The following FRYL variants were observed in gnomAD, a reference collection of about 807,000 sequenced individuals.
FRYL encodes the protein protein furry homolog-like.
FRYL carries 150 observed loss-of-function variants against 351.2 expected under a neutral mutation model. The ratio of observed to expected loss-of-function variants is 0.43; its 90% confidence interval spans 0.37 to 0.49. The LOEUF is 0.49. Ranked by LOEUF, FRYL falls within the 20% of genes least tolerant of loss-of-function variation. The pLI, the probability that FRYL is intolerant of heterozygous loss-of-function variation, is 0.00. For synonymous variants in FRYL, 1,153 were observed against 1,257.1 expected (o/e 0.92, Z 1.75); for missense variants, 3,036 against 3,619.3 (o/e 0.84, Z 4.13).
intron 18 of FRYL, among the ~76,000 whole-genome samples, chr4:48,587,009 T>G (rs1742235544): frequency 6.6e-6 from 1 of 151,792 alleles, no homozygotes; most frequent in Non-Finnish European, 1.5e-5. Flanking sequence ...AACAGATTAT[T>G]TATAATTAAT....
Position 48,609,724 on chromosome 4 carries a change from C to T in FRYL, c.491+20G>A. 1 of 1,293,310 alleles carries T rather than the reference C, an allele frequency of 7.7e-7. No homozygotes were observed. The highest frequency in any genetic ancestry group is 1.1e-6 in the Non-Finnish European group (1 of 917,524). 80.1% of individuals were successfully genotyped at this position (1,293,310 alleles called of 1,614,324 possible). ...GGATTGCAAAAAAAGGCAACAATCC[C>T]AAGTTAGTATTTTACTTACCCTTCC... On this transcript the variant is annotated intron_variant, in intron 8 of 63. Transcript: ENST00000358350.
intron 1 of FRYL, among the ~76,000 whole-genome samples, chr4:48,753,036 T>C (rs916746635): frequency 6.6e-6 from 1 of 152,002 alleles, no homozygotes; most frequent in Non-Finnish European, 1.5e-5. Context: ...GGAGGAGGAA[T>C]TATTCAAGAA....
At chr4:48,650,952 A>G (rs1464144198) in intron 3 of FRYL, among the ~76,000 whole-genome samples, 4 of 152,078 alleles carry the variant, frequency 2.6e-5, no homozygotes, top group African/African-American at 9.7e-5. Flanking sequence ...GTGGTAACCA[A>G]CCTCTGGTTT....
At chr4:48,671,889 A>G (rs1762814932) in intron 3 of FRYL, among the ~76,000 whole-genome samples, 5 of 148,514 alleles carry the variant, frequency 3.4e-5, no homozygotes, top group Non-Finnish European at 7.5e-5. Flanking sequence ...AAAAAAAAAA[A>G]AAGAAGGAAA....
intron 3 of FRYL, among the ~76,000 whole-genome samples, chr4:48,636,522 GA>G (rs1256474221): frequency 5.3e-5 from 8 of 151,584 alleles, no homozygotes; most frequent in South Asian, 4.2e-4. Context: ...TTTCTACAAA[GA>G]AAAAAACTTT....
At chr4:48,629,875 C>T (rs1422411221) in intron 4 of FRYL, among the ~76,000 whole-genome samples, 1 of 152,092 alleles carries the variant, frequency 6.6e-6, no homozygotes, top group Non-Finnish European at 1.5e-5. Flanking sequence ...TTTTAAAAAG[C>T]TTGTTTAAGA....
intron 3 of FRYL, among the ~76,000 whole-genome samples, chr4:48,678,823 A>T (rs1218206596): frequency 4.6e-5 from 7 of 152,134 alleles, no homozygotes; most frequent in Non-Finnish European, 1.0e-4. Context: ...TAGTAAAAAC[A>T]TATATACCAT....
At chr4:48,608,942 T>C (rs1340736803) in intron 9 of FRYL, 45 bp downstream of exon 9, 1 of 1,203,242 alleles carries the variant, frequency 8.3e-7, no homozygotes, top group Non-Finnish European at 1.2e-6. Context: ...AATGAAGCAT[T>C]CTAAAATGCA....
Position 48,609,741 on chromosome 4 carries a change from TA to T in FRYL, c.491+2del. 6.8e-7 allele frequency: 1 copy of T among 1,480,862 alleles called. No homozygotes were observed. Among genetic ancestry groups the T allele is most frequent in the Non-Finnish European group, 9.3e-7 (1 of 1,074,820 alleles). The allele number at this position is 1,480,862 out of a possible 1,614,324, so 91.7% of individuals were successfully genotyped here. On this transcript the variant is annotated splice_donor_variant, in intron 8 of 63. Transcript: ENST00000358350. LOFTEE classifies it high-confidence loss of function. ...AACAATCCCAAGTTAGTATTTTACT[TA>T]CCCTTCCTTATGTTTAAAGTGCTTA...
chr4:48,760,298 T>C (rs1395106574), intron 1 of FRYL, among the ~76,000 whole-genome samples: 1 of 152,050 alleles, frequency 6.6e-6, no homozygotes, highest in Non-Finnish European at 1.5e-5. Context: ...AATTATGGCA[T>C]GTATATTAAT....
chr4:48,720,362 T>C (rs1371059200), intron 1 of FRYL, among the ~76,000 whole-genome samples: 1 of 151,708 alleles, frequency 6.6e-6, no homozygotes, highest in Non-Finnish European at 1.5e-5. Context: ...TCAGGCATGG[T>C]GGCATGCACC....
At chr4:48,588,074 T>C (rs1368901241) in intron 18 of FRYL, among the ~76,000 whole-genome samples, 1 of 152,252 alleles carries the variant, frequency 6.6e-6, no homozygotes, top group Non-Finnish European at 1.5e-5. Context: ...TCATAATCAC[T>C]GTCATTTTCC....
chr4:48,612,877 C>A (rs1401588929), intron 7 of FRYL, among the ~76,000 whole-genome samples: 2 of 152,096 alleles, frequency 1.3e-5, no homozygotes, highest in African/African-American at 4.8e-5. Context: ...GCGTGAGCCA[C>A]CGCACCCGGC....
chr4:48,660,629 A>G (rs1760505068), intron 3 of FRYL, among the ~76,000 whole-genome samples: 1 of 152,224 alleles, frequency 6.6e-6, no homozygotes. Flanking sequence ...AGGGAAATAA[A>G]AACAGGAAGA....
intron 15 of FRYL, among the ~76,000 whole-genome samples, chr4:48,594,371 A>G (rs1744160378): frequency 6.6e-6 from 1 of 151,890 alleles, no homozygotes; most frequent in African/African-American, 2.4e-5. Context: ...TGGGTCAGGA[A>G]GAATGGGGCT....
rs1405772790 is a variant in FRYL, at chr4:48,659,442, G to GGGA, written c.-80-24953_-80-24952insTCC. Among the ~76,000 whole-genome samples the GGGA allele has an allele frequency of 1.6e-3, 6 of 3,870 alleles. 3 individuals are homozygous for GGGA. Among genetic ancestry groups the GGGA allele is most frequent in the African/African-American group, 3.0e-3 (6 of 1,996 alleles). 2.5% of individuals were successfully genotyped at this position (3,870 alleles called of 152,430 possible). ...GAGAAGGAGAAGAGGAAGAGGAAGAGGAAGAGGAAGAGGGAGAAGAGGAAG... is the reference window on the plus strand; with the variant it reads ...GAGAAGGAGAAGAGGAAGAGGAAGAGGGAGAAGAGGAAGAGGGAGAAGAGGAAG... On this transcript the variant is annotated intron_variant, in intron 3 of 63. Transcript: ENST00000358350.
rs1771702586 is a variant in FRYL at position 48,738,661 on chromosome 4, C to T, written c.-383-27963G>A. Among the ~76,000 whole-genome samples, 3 of 150,234 alleles carry T rather than the reference C, an allele frequency of 2.0e-5. No homozygotes were observed. The East Asian group carries it at 5.9e-4, about 29-fold the overall frequency. On this transcript the variant is annotated intron_variant, in intron 1 of 63. Coordinates refer to ENST00000358350, the MANE Select transcript of FRYL (RefSeq NM_015030.2). The stretch of plus-strand genomic sequence containing the variant: ...TACAGGAATATGCCACCATACATGG[C>T]TAACTTTTTTTTTTTTTTTTTTTGG...
intron 59 of FRYL, among the ~76,000 whole-genome samples, chr4:48,507,535 C>CAAACAGTTAGTT (rs1553913453): frequency 2.4e-4 from 37 of 151,672 alleles, no homozygotes; most frequent in East Asian, 7.8e-4. Context: ...CTCAAACAAA[C>CAAACAGTTAGTT]AGTTAGTTAG....
chr4:48,592,243 C>T (rs943851381), intron 16 of FRYL, among the ~76,000 whole-genome samples: 25 of 151,752 alleles, frequency 1.6e-4, no homozygotes, highest in African/African-American at 4.8e-4. Flanking sequence ...CCTTGAAAGA[C>T]GCAGAAAAGC....
Sources: gnomAD v4.1 joint callset for allele counts (sites outside exome capture counted in the v4.1 genomes callset) on GRCh38, gnomAD v4.1.1 for gene constraint, MANE v1.5 for transcripts, NCBI Gene and HGNC (gene_info 2026-07-23, HGNC 2026-07-21) for gene names.